The following MALRD1 variants were observed in gnomAD, a reference collection of about 807,000 sequenced individuals.
MALRD1 encodes the protein MAM and LDL-receptor class A domain-containing protein 1.
Under a neutral mutation model 242.1 loss-of-function variants are expected in MALRD1, and 247 were observed. The ratio of observed to expected loss-of-function variants is 1.02; its 90% confidence interval spans 0.92 to 1.13. The LOEUF (loss-of-function observed/expected upper bound fraction) is 1.13. Among genes scored for constraint, MALRD1 ranks in the 50% most tolerant of loss-of-function variants. The pLI is 0.00. For synonymous variants in MALRD1, 995 were observed against 866.6 expected, an observed-to-expected ratio of 1.15 and a Z score of -2.60; for missense variants, 2,989 against 2,533.1, an observed-to-expected ratio of 1.18 and a Z score of -3.86.
intron 11 of MALRD1, among the ~76,000 whole-genome samples, chr10:19,150,374 G>T (rs1032651352): frequency 6.6e-6 from 1 of 151,892 alleles, no homozygotes; most frequent in Non-Finnish European, 1.5e-5. Context: ...GCACACGATC[G>T]GTCCTTACAT....
chr10:19,280,589 T>A (rs1249377603), intron 20 of MALRD1, among the ~76,000 whole-genome samples: 4 of 152,218 alleles, frequency 2.6e-5, no homozygotes, highest in Admixed American at 6.5e-5. Flanking sequence ...TACTGTCAAA[T>A]TAATTTATTC....
At chr10:19,555,221 C>T (rs1304972548) in intron 32 of MALRD1, among the ~76,000 whole-genome samples, 1 of 152,114 alleles carries the variant, frequency 6.6e-6, no homozygotes, top group South Asian at 2.1e-4. Flanking sequence ...GGGTATCAAA[C>T]CATTCATGAG....
At chr10:19,342,983 A>G (rs1843950780) in intron 24 of MALRD1, among the ~76,000 whole-genome samples, 1 of 152,124 alleles carries the variant, frequency 6.6e-6, no homozygotes. Flanking sequence ...AATGTTTGAT[A>G]TATAATATGC....
At chr10:19,487,103 C>T (rs973072590) in intron 29 of MALRD1, among the ~76,000 whole-genome samples, 1 of 152,054 alleles carries the variant, frequency 6.6e-6, no homozygotes, top group African/African-American at 2.4e-5. Context: ...CCATAATCTG[C>T]TGGCCAGGTT....
intron 13 of MALRD1, among the ~76,000 whole-genome samples, chr10:19,171,953 GT>G (rs1184292981): frequency 1.8e-5 from 2 of 109,602 alleles, no homozygotes; most frequent in Admixed American, 9.7e-5. Flanking sequence ...TATAATATAT[GT>G]ATATATCACA....
intron 36 of MALRD1, among the ~76,000 whole-genome samples, chr10:19,632,907 A>G (rs576940142): frequency 5.3e-5 from 8 of 152,252 alleles, no homozygotes; most frequent in Non-Finnish European, 1.0e-4. Context: ...CATTGAGGCT[A>G]TGAAAAGTGT....
At chr10:19,165,025 T>C (rs77595225) in intron 12 of MALRD1, among the ~76,000 whole-genome samples, 5,204 of 151,778 alleles carry the variant, frequency 0.034, 143 homozygotes, top group Middle Eastern at 0.11. Context: ...AGAAAATGAT[T>C]TTTAAGGAAA....
intron 28 of MALRD1, among the ~76,000 whole-genome samples, chr10:19,390,242 A>C (rs571512479): frequency 6.6e-6 from 1 of 152,312 alleles, no homozygotes; most frequent in East Asian, 1.9e-4. Context: ...TTATTTGTGC[A>C]TCTGAAAGAA....
At chr10:19,370,916 T>C (rs956338659) in intron 26 of MALRD1, among the ~76,000 whole-genome samples, 1 of 151,976 alleles carries the variant, frequency 6.6e-6, no homozygotes, top group African/African-American at 2.4e-5. Flanking sequence ...ATAAATTCTT[T>C]ATAATTTAAA....
At chr10:19,649,389 A>C (rs1589358447) in intron 36 of MALRD1, among the ~76,000 whole-genome samples, 1 of 152,130 alleles carries the variant, frequency 6.6e-6, no homozygotes, top group South Asian at 2.1e-4. Context: ...CTGCAACTTC[A>C]CCAGCATCTG....
At position 19,478,580 on chromosome 10, in the gene MALRD1, A is replaced by T. The variant is rs1444935659; in HGVS notation, c.5030-12937A>T. The stretch of plus-strand genomic sequence containing the variant: ...ATGAGGATTACAGTTTCCTAGTCTA[A>T]TTTCTTTTCTTTCCTTGCAATTTTA... On this transcript the variant is annotated intron_variant, in intron 29 of 39. Coordinates refer to ENST00000454679, the MANE Select transcript of MALRD1 (RefSeq NM_001142308.3). Among the ~76,000 whole-genome samples the T allele has an allele frequency of 2.6e-5, 4 of 151,978 alleles. 1 individual carries two copies. The highest frequency in any genetic ancestry group is 5.9e-5 in the Non-Finnish European group (4 of 68,006).
At chr10:19,469,514 T>C (rs1323668187) in intron 29 of MALRD1, among the ~76,000 whole-genome samples, 1 of 152,196 alleles carries the variant, frequency 6.6e-6, no homozygotes, top group Admixed American at 6.5e-5. Context: ...AGCACAGAGC[T>C]GTGACTCATT....
intron 24 of MALRD1, among the ~76,000 whole-genome samples, chr10:19,333,509 G>C (rs978083163): frequency 9.2e-5 from 14 of 152,150 alleles, no homozygotes; most frequent in Admixed American, 5.9e-4. Flanking sequence ...ATTATTCCGT[G>C]GTGTATATGT....
chr10:19,348,964 C>T (rs1588949589), intron 25 of MALRD1, among the ~76,000 whole-genome samples: 1 of 152,090 alleles, frequency 6.6e-6, no homozygotes, highest in Non-Finnish European at 1.5e-5. Flanking sequence ...ACTTTCTTCC[C>T]TTCCCTTCCC....
At position 19,262,737 on chromosome 10, in the gene MALRD1, C is replaced by T. The variant is rs142678024; in HGVS notation, c.3079+4966C>T. Reference sequence around the variant, plus strand: ...ATATCTTGCTGCTGACTATAGTCAACAGAACTTATTCTTCGGATAACTGAA... The same window carrying T: ...ATATCTTGCTGCTGACTATAGTCAATAGAACTTATTCTTCGGATAACTGAA... On this transcript the variant is annotated intron_variant, in intron 19 of 39. Transcript: ENST00000454679. Among the ~76,000 whole-genome samples the T allele has an allele frequency of 8.3e-4, 125 of 151,136 alleles. 2 individuals are homozygous for T. In the East Asian group the frequency reaches 0.02, roughly 24 times the overall value.
intron 29 of MALRD1, among the ~76,000 whole-genome samples, chr10:19,451,037 C>T (rs1351503183): frequency 6.6e-6 from 1 of 152,198 alleles, no homozygotes; most frequent in African/African-American, 2.4e-5. Context: ...AACAGTCAGA[C>T]CATAGCGATA....
chr10:19,444,349 TTATGATG>T (rs1834840729), intron 28 of MALRD1, among the ~76,000 whole-genome samples: 1 of 152,210 alleles, frequency 6.6e-6, no homozygotes, highest in Admixed American at 6.5e-5. Flanking sequence ...GATCCTGTCA[TTATGATG>T]TTAGCTGGTT....
intron 11 of MALRD1, among the ~76,000 whole-genome samples, chr10:19,147,391 T>C (rs959325590): frequency 1.3e-5 from 2 of 152,192 alleles, no homozygotes; most frequent in Non-Finnish European, 2.9e-5. Flanking sequence ...ATAAATCTAG[T>C]TAATTGTTTA....
chr10:19,050,111 G>A (rs1379382934), intron 1 of MALRD1, among the ~76,000 whole-genome samples: 2 of 135,988 alleles, frequency 1.5e-5, no homozygotes, highest in Admixed American at 1.5e-4. Flanking sequence ...TTTTTGAGAC[G>A]GAGTCTCGCT....
Sources: allele counts gnomAD v4.1 joint callset (sites outside exome capture counted in the v4.1 genomes callset), GRCh38; gene constraint gnomAD v4.1.1; transcripts MANE v1.5; gene names NCBI Gene and HGNC (gene_info 2026-07-23, HGNC 2026-07-21).